Variants in KIRREL3 observed in about 807,000 individuals in gnomAD.
KIRREL3 encodes the protein kin of IRRE-like protein 3.
In KIRREL3, 36 loss-of-function variants were observed where a neutral mutation model predicts 89.7. The observed-to-expected ratio is 0.40, with a 90% confidence interval of 0.31 to 0.53. The LOEUF (loss-of-function observed/expected upper bound fraction) is 0.53, where lower values mean the gene tolerates loss of function less well. Among genes scored for constraint, KIRREL3 ranks in the 20% least tolerant of loss-of-function variants. KIRREL3 has a pLI of 0.49. For missense variants in KIRREL3, 864 were observed against 1,056.6 expected (o/e 0.82, Z 2.53); for synonymous variants, 445 against 441.4 (o/e 1.01, Z -0.10).
chr11:126,848,253 C>A (rs1944214907), intron 1 of KIRREL3, among the ~76,000 whole-genome samples: 1 of 152,146 alleles, frequency 6.6e-6, no homozygotes, highest in Admixed American at 6.5e-5. Flanking sequence ...ATTTTAAAAG[C>A]CTATGTGAAA....
At chr11:126,804,860 CA>C (rs1951156047) in intron 1 of KIRREL3, among the ~76,000 whole-genome samples, 2 of 152,138 alleles carry the variant, frequency 1.3e-5, no homozygotes, top group African/African-American at 4.8e-5. Flanking sequence ...CTTAGGTTTT[CA>C]AAGGCACCAC....
intron 1 of KIRREL3, among the ~76,000 whole-genome samples, chr11:126,792,045 G>C (rs1315553130): frequency 6.6e-6 from 1 of 152,146 alleles, no homozygotes; most frequent in Non-Finnish European, 1.5e-5. Flanking sequence ...CCTCCCTTTT[G>C]GGGGAGACTT....
Position 126,475,000 on chromosome 11 carries a change from C to G in KIRREL3, c.434-1534G>C, listed in dbSNP as rs1368139886. Among the ~76,000 whole-genome samples the G allele has an allele frequency of 1.3e-5, 2 of 152,162 alleles. No individual in the cohort carries two copies. Among genetic ancestry groups the G allele is most frequent in the Non-Finnish European group, 2.9e-5 (2 of 68,022 alleles). On this transcript the variant is annotated intron_variant, in intron 4 of 16. Coordinates refer to ENST00000525144, the MANE Select transcript of KIRREL3 (RefSeq NM_032531.4). This position sits in a 1 kb window ranked among gnomAD's most constrained non-coding sequence, Gnocchi z 6.7. ...TCTGAGGAATCCCTGTTTCCCTTAC[C>G]CCAGGAGGAGCTGGGCCCACCAGCT...
rs1281877478 is a variant in KIRREL3 at position 126,635,771 on chromosome 11, G to T, written c.56-72859C>A. 6.6e-6 allele frequency among the ~76,000 whole-genome samples: 1 copy of T among 152,200 alleles called. No homozygotes were observed. Among genetic ancestry groups the T allele is most frequent in the African/African-American group, 2.4e-5 (1 of 41,448 alleles). On this transcript the variant is annotated intron_variant, in intron 1 of 16. Coordinates refer to ENST00000525144, the MANE Select transcript of KIRREL3 (RefSeq NM_032531.4). This position sits in a 1 kb window ranked among gnomAD's most constrained non-coding sequence, Gnocchi z 4.0. ...TGTTCTACTGATCTGAAGAATTGTT[G>T]TGGTAATCTGAAGAGGCGATTGGTA... is the stretch of plus-strand genomic sequence containing the variant.
intron 1 of KIRREL3, among the ~76,000 whole-genome samples, chr11:126,827,765 G>A (rs1190995508): frequency 6.6e-6 from 1 of 152,168 alleles, no homozygotes; most frequent in Admixed American, 6.5e-5. Flanking sequence ...AGTGAAAGGG[G>A]TTCCAGGTAT....
At chr11:126,456,267 G>A (rs558251082) in intron 7 of KIRREL3, 82 bp downstream of exon 7, 18 of 875,870 alleles carry the variant, frequency 2.1e-5, no homozygotes, top group African/African-American at 6.7e-5. Context: ...GCCATGCTGA[G>A]GACCCTAAGT....
intron 1 of KIRREL3, among the ~76,000 whole-genome samples, chr11:126,762,820 T>C (rs1949705736): frequency 6.6e-6 from 1 of 152,190 alleles, no homozygotes; most frequent in South Asian, 2.1e-4. Context: ...GTCTCTTTCG[T>C]CAACCTGCTT....
Position 126,474,887 on chromosome 11 carries a change from G to A in KIRREL3, c.434-1421C>T, listed in dbSNP as rs117222137. On this transcript the variant is annotated intron_variant, in intron 4 of 16. Coordinates refer to ENST00000525144, the MANE Select transcript of KIRREL3 (RefSeq NM_032531.4). The surrounding 1 kb of genome is among the most constrained non-coding windows in gnomAD (Gnocchi z 6.7). ...GCCTAGGACACAGGGCCTTTCCCATGCTTGTGCTTGGGGACACGTTGAGAG... is the reference window on the plus strand; with the variant it reads ...GCCTAGGACACAGGGCCTTTCCCATACTTGTGCTTGGGGACACGTTGAGAG... Among the ~76,000 whole-genome samples, 38 of 152,320 alleles carry A rather than the reference G, an allele frequency of 2.5e-4. No homozygotes were observed. In the East Asian group the frequency reaches 7.3e-3, roughly 29 times the overall value.
Position 126,704,365 on chromosome 11 carries a change from G to A in KIRREL3, c.56-141453C>T, listed in dbSNP as rs896004466. Among the ~76,000 whole-genome samples the A allele has an allele frequency of 6.6e-6, 1 of 152,210 alleles. No individual in the cohort carries two copies. The highest frequency in any genetic ancestry group is 2.4e-5 in the African/African-American group (1 of 41,448). Reference sequence around the variant, plus strand: ...GGTGTGGGGAGTGCAGGAGAGAGGAGGTGGGGTGGGGCCGGGAAGAAGTGA... The same window carrying A: ...GGTGTGGGGAGTGCAGGAGAGAGGAAGTGGGGTGGGGCCGGGAAGAAGTGA... On this transcript the variant is annotated intron_variant, in intron 1 of 16. Coordinates refer to ENST00000525144, the MANE Select transcript of KIRREL3 (RefSeq NM_032531.4). The surrounding 1 kb of genome is among the most constrained non-coding windows in gnomAD (Gnocchi z 4.2).
At chr11:126,730,191 C>T (rs185317094) in intron 1 of KIRREL3, among the ~76,000 whole-genome samples, 1 of 152,344 alleles carries the variant, frequency 6.6e-6, no homozygotes. Context: ...TAGCCCTTGG[C>T]CCTGGCTCTC....
In KIRREL3 at chr11:126,571,121, A is replaced by G. The variant is rs900658690; in HGVS notation, c.56-8209T>C. Among the ~76,000 whole-genome samples the G allele has an allele frequency of 1.3e-5, 2 of 152,060 alleles. No individual in the cohort carries two copies. Among genetic ancestry groups the G allele is most frequent in the East Asian group, 1.9e-4 (1 of 5,184 alleles). ...GTGCGTCGTGCCATGCTCTGTCTCC[A>G]TTCTCTGTGAGATTCGACTCCCAAC... On this transcript the variant is annotated intron_variant, in intron 1 of 16. Coordinates refer to ENST00000525144, the MANE Select transcript of KIRREL3 (RefSeq NM_032531.4). This position sits in a 1 kb window ranked among gnomAD's most constrained non-coding sequence, Gnocchi z 7.7.
intron 1 of KIRREL3, among the ~76,000 whole-genome samples, chr11:126,851,486 T>C (rs1473887059): frequency 2.6e-5 from 4 of 152,202 alleles, no homozygotes; most frequent in Admixed American, 2.6e-4. Context: ...ATTGTTGAAA[T>C]TCCTAAGGGG....
chr11:126,490,321 C>T lies in KIRREL3; in HGVS notation c.434-16855G>A, dbSNP rs185480323. 1.7e-4 allele frequency among the ~76,000 whole-genome samples: 26 copies of T among 152,236 alleles called. No homozygotes were observed. Among genetic ancestry groups the T allele is most frequent in the Admixed American group, 1.2e-3 (19 of 15,286 alleles). On this transcript the variant is annotated intron_variant, in intron 4 of 16. Coordinates refer to ENST00000525144, the MANE Select transcript of KIRREL3 (RefSeq NM_032531.4). The surrounding 1 kb of genome is among the most constrained non-coding windows in gnomAD (Gnocchi z 4.2). Reference sequence around the variant, plus strand: ...TTAATTTGCATTCACTGGACACAGCCGCTAGGGAGAGGTGAGCAGAGCTTT... The same window carrying T: ...TTAATTTGCATTCACTGGACACAGCTGCTAGGGAGAGGTGAGCAGAGCTTT...
intron 1 of KIRREL3, among the ~76,000 whole-genome samples, chr11:126,584,887 A>T (rs1941743466): frequency 6.6e-6 from 1 of 151,920 alleles, no homozygotes; most frequent in South Asian, 2.1e-4. Context: ...TGCATCATAA[A>T]GGAAGTAACC....
intron 1 of KIRREL3, among the ~76,000 whole-genome samples, chr11:126,662,758 G>A (rs2135021044): frequency 6.6e-6 from 1 of 152,276 alleles, no homozygotes; most frequent in South Asian, 2.1e-4. Flanking sequence ...CTAGCAGTTG[G>A]AGATAGCAAA....
At chr11:126,920,809 G>A (rs530330304) in intron 1 of KIRREL3, among the ~76,000 whole-genome samples, 1 of 152,180 alleles carries the variant, frequency 6.6e-6, no homozygotes, top group African/African-American at 2.4e-5. Flanking sequence ...AGAAAACCCC[G>A]CGCCTAGGTC....
rs1947707041 is a variant in KIRREL3 at position 126,710,324 on chromosome 11, G to GA, written c.56-147413dup. ...TTCACAAAGCTGAGGAGAGAAGGGAGATAGCTAGCTCAGTGTGGCACCCCA... is the reference window on the plus strand; with the variant it reads ...TTCACAAAGCTGAGGAGAGAAGGGAGAATAGCTAGCTCAGTGTGGCACCCCA... On this transcript the variant is annotated intron_variant, in intron 1 of 16. Transcript: ENST00000525144. This position sits in a 1 kb window ranked among gnomAD's most constrained non-coding sequence, Gnocchi z 4.2. 6.6e-6 allele frequency among the ~76,000 whole-genome samples: 1 copy of GA among 152,208 alleles called. No individual in the cohort carries two copies. The highest frequency in any genetic ancestry group is 2.4e-5 in the African/African-American group (1 of 41,454).
chr11:126,856,090 C>T (rs747455067), intron 1 of KIRREL3, among the ~76,000 whole-genome samples: 3 of 152,182 alleles, frequency 2.0e-5, no homozygotes, highest in Admixed American at 6.5e-5. Flanking sequence ...GGTTCCAATG[C>T]TAAGTAAGTT....
intron 1 of KIRREL3, among the ~76,000 whole-genome samples, chr11:126,939,464 G>A (rs112420783): frequency 2.6e-5 from 4 of 152,244 alleles, no homozygotes; most frequent in South Asian, 2.1e-4. Flanking sequence ...TGTCAGGTAG[G>A]GTTCTAGATG....
Sources: allele counts gnomAD v4.1 joint callset (sites outside exome capture counted in the v4.1 genomes callset), GRCh38; gene constraint gnomAD v4.1.1; non-coding constraint Gnocchi (gnomAD v3.1); transcripts MANE v1.5; gene names NCBI Gene and HGNC (gene_info 2026-07-23, HGNC 2026-07-21).